TACC2: variants seen among roughly 807,000 people sequenced by gnomAD.
TACC2 encodes transforming acidic coiled-coil containing protein 2.
Under a neutral mutation model 227.3 loss-of-function variants are expected in TACC2, and 137 were observed. That is an observed-to-expected ratio of 0.60 (90% CI 0.52 to 0.69). The LOEUF (loss-of-function observed/expected upper bound fraction) is 0.69, where lower values mean the gene tolerates loss of function less well. Among genes scored for constraint, TACC2 ranks in the 30% least tolerant of loss-of-function variants. TACC2 has a pLI of 0.00. For missense variants in TACC2, 3,470 were observed against 3,694.4 expected, an observed-to-expected ratio of 0.94 and a Z score of 1.57; for synonymous variants, 1,523 against 1,487.5, an observed-to-expected ratio of 1.02 and a Z score of -0.55.
chr10:122,108,373 G>C (rs192651864), intron 5 of TACC2, among the ~76,000 whole-genome samples: 1 of 142,336 alleles, frequency 7.0e-6, no homozygotes, highest in East Asian at 2.1e-4. Context: ...TATTCCATGC[G>C]CGCGCGCTCT....
Position 122,132,731 on chromosome 10 carries a change from A to C in TACC2, c.5696A>C (p.Gln1899Pro), listed in dbSNP as rs144877654. 9.3e-6 allele frequency: 15 copies of C among 1,613,944 alleles called. No homozygotes were observed. The highest frequency in any genetic ancestry group is 1.3e-5 in the Non-Finnish European group (15 of 1,179,992). The change falls in exon 6 of 23, where the codon CAG becomes CCG. Residue 1899 changes from glutamine (Q) to proline (P), a missense_variant. By Grantham distance (76) the Gln-to-Pro change is moderately conservative. Around this residue, in one of 10 missense-constraint regions of TACC2, gnomAD observed 1,924 missense variants for 1,978.3 expected, o/e 0.97. Transcript: ENST00000369005. The stretch of plus-strand genomic sequence containing the variant: ...CAGGTCTCTACGGATCTGATAGCCC[A>C]GAGGTACGGTGGGGGCCCTGGAGCT... ...VGQVSTDLIA[Q>P]SISPAAAHAG...
chr10:122,233,051 C>T (rs2095789742), intron 16 of TACC2, among the ~76,000 whole-genome samples: 1 of 152,178 alleles, frequency 6.6e-6, no homozygotes, highest in South Asian at 2.1e-4. Flanking sequence ...TCTCTCTAGA[C>T]TGATGGAGAG....
intron 5 of TACC2, among the ~76,000 whole-genome samples, chr10:122,119,015 A>C (rs779796161): frequency 2.0e-5 from 3 of 152,226 alleles, no homozygotes; most frequent in Non-Finnish European, 4.4e-5. Flanking sequence ...GTACCATCAT[A>C]ACCATTTTTA....
Position 122,086,284 on chromosome 10 carries a change from A to C in TACC2, c.3784A>C (p.Arg1262=). 2 of 1,614,014 alleles carry C rather than the reference A, an allele frequency of 1.2e-6. No individual in the cohort carries two copies. Among genetic ancestry groups the C allele is most frequent in the Non-Finnish European group, 8.5e-7 (1 of 1,180,036 alleles). ...GVKAVSSADP[R]APGESPCPVG... ...GAAAGCTGTTTCCTCTGCAGACCCC[A>C]GAGCTCCTGGCGAAAGCCCCTGTCC... The change falls in exon 4 of 23, where the codon AGA becomes CGA. Residue 1262 remains arginine, a synonymous_variant. Coordinates refer to ENST00000369005, the MANE Select transcript of TACC2 (RefSeq NM_206862.4).
chr10:122,086,705 T>A lies in TACC2; in HGVS notation c.4205T>A (p.Leu1402His). The change falls in exon 4 of 23, where the codon CTC becomes CAC. Residue 1402 changes from leucine (L) to histidine (H), a missense_variant. Physicochemically the swap from Leu to His is moderately conservative, Grantham distance 99 (BLOSUM62 -3). Around this residue, in one of 10 missense-constraint regions of TACC2, gnomAD observed 1,924 missense variants for 1,978.3 expected, o/e 0.97. Transcript: ENST00000369005. The stretch of plus-strand genomic sequence containing the variant: ...ACAAGCTCTGAGCAAATCGCCACCC[T>A]CACTGGCTTCCCAGACTTCAGGGAG... Reference protein sequence around the residue: ...VDTSSEQIATLTGFPDFREHI... With the variant: ...VDTSSEQIATHTGFPDFREHI... 6.2e-7 allele frequency: 1 copy of A among 1,613,934 alleles called. No individual in the cohort carries two copies. Among genetic ancestry groups the A allele is most frequent in the Middle Eastern group, 1.7e-4 (1 of 6,060 alleles).
chr10:122,193,881 G>C (rs1377165763), intron 7 of TACC2, among the ~76,000 whole-genome samples: 1 of 151,926 alleles, frequency 6.6e-6, no homozygotes, highest in South Asian at 2.1e-4. Context: ...GTGGAAGCAG[G>C]GTGATGGGGA....
At chr10:122,122,938 A>C (rs60149515) in intron 5 of TACC2, among the ~76,000 whole-genome samples, 1 of 152,190 alleles carries the variant, frequency 6.6e-6, no homozygotes, top group Admixed American at 6.5e-5. Context: ...TGCTTGCAAC[A>C]TAGATGAAGT....
chr10:122,121,216 G>T (rs1424069669), intron 5 of TACC2, among the ~76,000 whole-genome samples: 1 of 152,212 alleles, frequency 6.6e-6, no homozygotes, highest in Non-Finnish European at 1.5e-5. Context: ...TGTATTTTGT[G>T]TTTGGGAAAC....
At chr10:122,035,008 G>C (rs1282856108) in intron 2 of TACC2, among the ~76,000 whole-genome samples, 1 of 151,592 alleles carries the variant, frequency 6.6e-6, no homozygotes, top group East Asian at 1.9e-4. Flanking sequence ...TTTCAGTTTT[G>C]TGTATGGTGG....
chr10:122,163,121 A>G (rs1049806147), intron 7 of TACC2, among the ~76,000 whole-genome samples: 1 of 152,040 alleles, frequency 6.6e-6, no homozygotes, highest in Non-Finnish European at 1.5e-5. Context: ...TCTCCCTGGT[A>G]CAGACTTCAG....
Position 122,249,307 on chromosome 10 carries a change from A to C in TACC2, c.8660+151A>C, listed in dbSNP as rs974450027. On this transcript the variant is annotated intron_variant, in intron 21 of 22. Coordinates refer to ENST00000369005, the MANE Select transcript of TACC2 (RefSeq NM_206862.4). The stretch of plus-strand genomic sequence containing the variant: ...TTCAATAAGACTCGAGAGAAGGCAC[A>C]CAGTTAGCATCATTTAATCAGTGGA... 60 of 735,062 alleles carry C rather than the reference A, an allele frequency of 8.2e-5. No individual in the cohort carries two copies. The African/African-American group carries it at 8.6e-4, about 11-fold the overall frequency. The allele number at this position is 735,062 out of a possible 1,614,324, so 45.5% of individuals were successfully genotyped here.
chr10:122,174,569 A>T (rs898862783), intron 7 of TACC2, among the ~76,000 whole-genome samples: 1 of 152,238 alleles, frequency 6.6e-6, no homozygotes, highest in Non-Finnish European at 1.5e-5. Flanking sequence ...GAATTGGTGC[A>T]TAAAACGTTC....
chr10:122,248,638 G>T lies in TACC2; in HGVS notation c.8393-5G>T. 1 of 1,612,690 alleles carries T rather than the reference G, an allele frequency of 6.2e-7. No homozygotes were observed. Among genetic ancestry groups the T allele is most frequent in the Non-Finnish European group, 8.5e-7 (1 of 1,180,046 alleles). ...CATCATTTGGCTCCTGGTCTCTCCT[G>T]CCAGAGGACGAACAGAGAGAGAAGT... On this transcript the variant is annotated splice_region_variant and splice_polypyrimidine_tract_variant and intron_variant, in intron 19 of 22. Transcript: ENST00000369005.
rs1365174446 is a variant in TACC2 at position 122,205,472 on chromosome 10, A to G, written c.5972-4925A>G. Among the ~76,000 whole-genome samples, 1 of 152,228 alleles carries G rather than the reference A, an allele frequency of 6.6e-6. No individual in the cohort carries two copies. The highest frequency in any genetic ancestry group is 1.5e-5 in the Non-Finnish European group (1 of 68,034). ...CACGCCTCTGGGGTAAAAACCCCAC[A>G]GGAACTTGGAGCTCAAAGGCCCATC... On this transcript the variant is annotated intron_variant, in intron 8 of 22. Coordinates refer to ENST00000369005, the MANE Select transcript of TACC2 (RefSeq NM_206862.4). The surrounding 1 kb of genome is among the most constrained non-coding windows in gnomAD (Gnocchi z 4.5).
intron 7 of TACC2, among the ~76,000 whole-genome samples, chr10:122,164,188 A>G (rs2139870913): frequency 6.6e-6 from 1 of 152,328 alleles, no homozygotes; most frequent in African/African-American, 2.4e-5. Flanking sequence ...TGCTGTGGGC[A>G]GAAACGATTC....
chr10:122,162,512 T>C (rs1397194660), intron 7 of TACC2, among the ~76,000 whole-genome samples: 2 of 152,190 alleles, frequency 1.3e-5, no homozygotes, highest in African/African-American at 4.8e-5. Flanking sequence ...GAGTCTGGGC[T>C]GGGAGCGCAG....
At chr10:122,099,568 G>T (rs1390615635) in intron 5 of TACC2, among the ~76,000 whole-genome samples, 1 of 152,202 alleles carries the variant, frequency 6.6e-6, no homozygotes, top group Non-Finnish European at 1.5e-5. Context: ...CTCCCCAGCA[G>T]CATCCACATA....
chr10:122,087,742 G>C lies in TACC2; in HGVS notation c.5242G>C (p.Asp1748His), dbSNP rs760147773. 2 of 1,611,646 alleles carry C rather than the reference G, an allele frequency of 1.2e-6. No homozygotes were observed. Among genetic ancestry groups the C allele is most frequent in the South Asian group, 2.2e-5 (2 of 90,816 alleles). ...CTTGGTGCTGCCAGGAAGCTGTCAGGACCCAGCCTGCTCTGACAAGGCTCC... is the reference window on the plus strand; with the variant it reads ...CTTGGTGCTGCCAGGAAGCTGTCAGCACCCAGCCTGCTCTGACAAGGCTCC... The part of the protein sequence containing the change: ...GDLVLPGSCQ[D>H]PACSDKAPGM... Residue 1748 changes from aspartate (D) to histidine (H), a missense_variant, in exon 4 of 23, where the codon GAC becomes CAC. Asp to His is a moderately conservative substitution (Grantham distance 81, BLOSUM62 -1). This residue lies in a region of TACC2 where 1,924 missense variants were observed against 1,978.3 expected (regional missense o/e 0.97). Transcript: ENST00000369005.
chr10:122,190,781 C>T (rs761036891), intron 7 of TACC2, among the ~76,000 whole-genome samples: 7 of 152,128 alleles, frequency 4.6e-5, no homozygotes, highest in South Asian at 2.1e-4. Context: ...AACGGGCATC[C>T]GGCTACCTCA....
Sources: gnomAD v4.1 joint callset for allele counts (sites outside exome capture counted in the v4.1 genomes callset) on GRCh38, gnomAD v4.1.1 for gene constraint, gnomAD v4.1.1 regional missense constraint, Gnocchi (gnomAD v3.1) non-coding constraint, MANE v1.5 for transcripts, NCBI Gene and HGNC (gene_info 2026-07-23, HGNC 2026-07-21) for gene names.